Variants in SSBP3 observed in about 807,000 individuals in gnomAD.
SSBP3 encodes single stranded DNA binding protein 3, also known as single-stranded DNA-binding protein 3.
In SSBP3, 5 loss-of-function variants were observed where a neutral mutation model predicts 69.6. The observed-to-expected ratio is 0.07, with a 90% CI of 0.04 to 0.15. The LOEUF is 0.15. Among genes scored for constraint, SSBP3 ranks in the 10% least tolerant of loss-of-function variants. The probability of loss-of-function intolerance (pLI) is 1.00; values close to 1 mark genes in which losing one functional copy is unlikely to be tolerated. For synonymous variants in SSBP3, 196 were observed against 193.4 expected (o/e 1.01, Z -0.11); for missense variants, 312 against 534.0 (o/e 0.58, Z 4.10).
chr1:54,352,721 G>A (rs1289929100), intron 4 of SSBP3, among the ~76,000 whole-genome samples: 1 of 152,204 alleles, frequency 6.6e-6, no homozygotes, highest in Non-Finnish European at 1.5e-5. Context: ...TGTGCTCACT[G>A]CCATCATCAA....
chr1:54,404,391 G>A (rs1380606974), intron 3 of SSBP3, among the ~76,000 whole-genome samples, 185 bp downstream of exon 3: 1 of 152,096 alleles, frequency 6.6e-6, no homozygotes, highest in Non-Finnish European at 1.5e-5. Flanking sequence ...AAAACTTTAG[G>A]TAACATCCTC....
At chr1:54,308,809 G>T (rs898138519) in intron 4 of SSBP3, among the ~76,000 whole-genome samples, 4 of 151,838 alleles carry the variant, frequency 2.6e-5, no homozygotes, top group Non-Finnish European at 5.9e-5. Context: ...ATAAGCCATT[G>T]ATCACCAAGG....
intron 4 of SSBP3, among the ~76,000 whole-genome samples, chr1:54,320,759 A>G (rs1646197309): frequency 6.6e-6 from 1 of 152,210 alleles, no homozygotes; most frequent in African/African-American, 2.4e-5. Flanking sequence ...ACCAGGAGAA[A>G]GAGAAGGAGA....
intron 4 of SSBP3, among the ~76,000 whole-genome samples, chr1:54,324,197 G>T (rs1646261822): frequency 6.6e-6 from 1 of 152,194 alleles, no homozygotes; most frequent in Non-Finnish European, 1.5e-5. Context: ...AAAGGAGAAA[G>T]CCTTCCGGCC....
At chr1:54,352,076 C>T (rs907852452) in intron 4 of SSBP3, among the ~76,000 whole-genome samples, 2 of 152,030 alleles carry the variant, frequency 1.3e-5, no homozygotes, top group African/African-American at 4.8e-5. Context: ...CAGGAGGATC[C>T]CTTGAAGCCA....
At chr1:54,255,129 C>G (rs1038339035) in intron 7 of SSBP3, among the ~76,000 whole-genome samples, 1 of 129,924 alleles carries the variant, frequency 7.7e-6, no homozygotes, top group Non-Finnish European at 1.5e-5. Flanking sequence ...CTGCGCCCAG[C>G]CCCAGTGTAG....
At chr1:54,331,361 A>G (rs1646407925) in intron 4 of SSBP3, among the ~76,000 whole-genome samples, 1 of 152,222 alleles carries the variant, frequency 6.6e-6, no homozygotes, top group South Asian at 2.1e-4. Flanking sequence ...ACGTCCAGAT[A>G]CTTGGGTTCG....
chr1:54,390,018 A>G (rs1648370113), intron 4 of SSBP3, among the ~76,000 whole-genome samples: 1 of 152,120 alleles, frequency 6.6e-6, no homozygotes, highest in Admixed American at 6.6e-5. Flanking sequence ...GGCTGTTTTG[A>G]GTATGACAAT....
At chr1:54,312,550 T>A (rs1431988039) in intron 4 of SSBP3, among the ~76,000 whole-genome samples, 1 of 151,866 alleles carries the variant, frequency 6.6e-6, no homozygotes, top group Non-Finnish European at 1.5e-5. Context: ...ATCACGCCAC[T>A]GCACTTAAAA....
chr1:54,404,085 G>A (rs1056384780), intron 3 of SSBP3, among the ~76,000 whole-genome samples: 2 of 152,182 alleles, frequency 1.3e-5, no homozygotes, highest in Non-Finnish European at 2.9e-5. Flanking sequence ...ATCTTTAAAG[G>A]AAGTGGCAGC....
intron 4 of SSBP3, among the ~76,000 whole-genome samples, chr1:54,294,901 C>T (rs1399353452): frequency 6.6e-6 from 1 of 152,068 alleles, no homozygotes; most frequent in Non-Finnish European, 1.5e-5. Context: ...TGTAGGGTAC[C>T]ACCCTGCGAT....
At chr1:54,398,433 A>C (rs1649052471) in intron 4 of SSBP3, among the ~76,000 whole-genome samples, 1 of 152,188 alleles carries the variant, frequency 6.6e-6, no homozygotes, top group South Asian at 2.1e-4. Context: ...CATGGAGAAA[A>C]AGGATTGCTT....
At chr1:54,339,035 T>A (rs1646560643) in intron 4 of SSBP3, among the ~76,000 whole-genome samples, 1 of 152,116 alleles carries the variant, frequency 6.6e-6, no homozygotes, top group Non-Finnish European at 1.5e-5. Context: ...GTCTGCAGAG[T>A]GCTTTCATGG....
rs11206333 is a variant in SSBP3 at position 54,327,315 on chromosome 1, G to T, written c.277-45788C>A. On this transcript the variant is annotated intron_variant, in intron 4 of 17. Transcript: ENST00000610401. ...AACAAAAAACCCCCCAAAAAAACAG[G>T]TAAGGGCCAAGGCAGAGTTCTCCAT... Among the ~76,000 whole-genome samples, 242 of 152,016 alleles carry T rather than the reference G, an allele frequency of 1.6e-3. 1 individual carries two copies. The highest frequency in any genetic ancestry group is 5.3e-3 in the African/African-American group (221 of 41,430).
At chr1:54,299,197 C>A (rs879712576) in intron 4 of SSBP3, among the ~76,000 whole-genome samples, 2 of 151,858 alleles carry the variant, frequency 1.3e-5, no homozygotes, top group South Asian at 2.1e-4. Flanking sequence ...GCACGCCTAG[C>A]CAAGTACACA....
chr1:54,376,340 T>C (rs1358617527), intron 4 of SSBP3, among the ~76,000 whole-genome samples: 1 of 152,244 alleles, frequency 6.6e-6, no homozygotes, highest in African/African-American at 2.4e-5. Flanking sequence ...ATGTTACCAC[T>C]GCCAACACTG....
At chr1:54,281,580 CAG>C in intron 4 of SSBP3, 53 bp from the exon 5 acceptor site, 4 of 1,496,408 alleles carry the variant, frequency 2.7e-6, no homozygotes, top group Non-Finnish European at 3.6e-6. Flanking sequence ...ACCAGAGACA[CAG>C]AGTTCTGACC....
intron 4 of SSBP3, among the ~76,000 whole-genome samples, chr1:54,378,935 T>C (rs1463279850): frequency 2.0e-5 from 3 of 152,152 alleles, no homozygotes; most frequent in Admixed American, 1.3e-4. Context: ...CCACCGAACA[T>C]TTTCCGAGGT....
intron 4 of SSBP3, among the ~76,000 whole-genome samples, chr1:54,350,037 C>T (rs1340535020): frequency 6.6e-6 from 1 of 152,182 alleles, no homozygotes. Context: ...ACCATTTCCA[C>T]CTCTATTGGC....
Sources: allele counts gnomAD v4.1 joint callset (sites outside exome capture counted in the v4.1 genomes callset), GRCh38; gene constraint gnomAD v4.1.1; transcripts MANE v1.5; gene names NCBI Gene and HGNC (gene_info 2026-07-23, HGNC 2026-07-21).